Variants in DPYS observed in about 807,000 individuals in gnomAD.
The protein encoded by DPYS is dihydropyrimidinase, also known as dihydropyrimidine amidohydrolase.
In DPYS, 39 loss-of-function variants were observed where a neutral mutation model predicts 50.3. That is an observed-to-expected ratio of 0.78 (90% CI 0.60 to 1.01). The LOEUF is 1.01. Ranked by LOEUF, DPYS falls within the 50% of genes least tolerant of loss-of-function variation. The probability of loss-of-function intolerance (pLI) is 0.00; values close to 1 mark genes in which losing one functional copy is unlikely to be tolerated. For missense variants in DPYS, 659 were observed against 680.9 expected, an observed-to-expected ratio of 0.97 and a Z score of 0.36; for synonymous variants, 245 against 250.7, an observed-to-expected ratio of 0.98 and a Z score of 0.22.
At chr8:104,405,155 G>A (rs1302511865) in intron 7 of DPYS, among the ~76,000 whole-genome samples, 1 of 152,222 alleles carries the variant, frequency 6.6e-6, no homozygotes, top group African/African-American at 2.4e-5. Flanking sequence ...TGTCGGGTGT[G>A]GCCACTATCC....
chr8:104,422,480 C>T lies in DPYS; in HGVS notation c.1235+1767G>A, dbSNP rs142277974. 5.3e-5 allele frequency among the ~76,000 whole-genome samples: 8 copies of T among 152,268 alleles called. No individual in the cohort carries two copies. In the South Asian group the frequency reaches 1.0e-3, roughly 20 times the overall value. ...TCTCATAGCAAACCTGTCACTTACA[C>T]GGTTGTACAGCTACCGTTTTCTCAT... On this transcript the variant is annotated intron_variant, in intron 7 of 9. Transcript: ENST00000351513.
intron 1 of DPYS, among the ~76,000 whole-genome samples, chr8:104,453,964 C>T (rs1205816326): frequency 6.6e-6 from 1 of 152,170 alleles, no homozygotes; most frequent in Non-Finnish European, 1.5e-5. Context: ...TTGTGTGATT[C>T]TATTTATATG....
intron 7 of DPYS, among the ~76,000 whole-genome samples, chr8:104,409,315 T>C (rs1812097981): frequency 6.6e-6 from 1 of 151,546 alleles, no homozygotes; most frequent in African/African-American, 2.4e-5. Context: ...TGAAACCCCG[T>C]CTCTACTAAG....
chr8:104,407,848 G>A (rs1812045701), intron 7 of DPYS, among the ~76,000 whole-genome samples: 1 of 152,156 alleles, frequency 6.6e-6, no homozygotes, highest in Non-Finnish European at 1.5e-5. Context: ...AAGAAAGTTA[G>A]GTTCTAATAA....
At chr8:104,431,784 A>G (rs932461188) in intron 4 of DPYS, among the ~76,000 whole-genome samples, 3 of 152,332 alleles carry the variant, frequency 2.0e-5, no homozygotes, top group Non-Finnish European at 2.9e-5. Flanking sequence ...TTGATGTTCA[A>G]TGAGACTAAT....
intron 1 of DPYS, among the ~76,000 whole-genome samples, chr8:104,462,391 GTGCTTAATCACACTTACC>G (rs1239120157): frequency 6.6e-6 from 1 of 152,154 alleles, no homozygotes; most frequent in Non-Finnish European, 1.5e-5. Flanking sequence ...AATGTGTGGT[GTGCTTAATCACACTTACC>G]TGCTTAATCA....
At chr8:104,446,320 A>C (rs992407274) in intron 3 of DPYS, among the ~76,000 whole-genome samples, 3 of 152,224 alleles carry the variant, frequency 2.0e-5, no homozygotes, top group Non-Finnish European at 4.4e-5. Flanking sequence ...TTCTTTGAAA[A>C]GCAATATCTA....
intron 8 of DPYS, among the ~76,000 whole-genome samples, chr8:104,383,614 T>TA (rs1727609688): frequency 6.6e-6 from 1 of 151,522 alleles, no homozygotes; most frequent in Admixed American, 6.6e-5. Context: ...CTTTTTTTTT[T>TA]TTTTCGAGAC....
chr8:104,392,724 A>G, intron 8 of DPYS, 60 bp downstream of exon 8: 1 of 1,600,522 alleles, frequency 6.2e-7, no homozygotes, highest in Non-Finnish European at 8.6e-7. Context: ...ATAACCAGCC[A>G]GACATCCAGA....
At chr8:104,434,381 G>C (rs181447632) in intron 4 of DPYS, among the ~76,000 whole-genome samples, 135 of 152,258 alleles carry the variant, frequency 8.9e-4, no homozygotes, top group Middle Eastern at 3.4e-3. Context: ...TTCCAAAAGG[G>C]AGGAGGACAT....
intron 7 of DPYS, among the ~76,000 whole-genome samples, chr8:104,423,003 G>A (rs1812597227): frequency 6.6e-6 from 1 of 152,160 alleles, no homozygotes; most frequent in Admixed American, 6.5e-5. Context: ...GCCTACATTT[G>A]GTTTTACTTG....
chr8:104,456,356 T>C (rs578131713), intron 1 of DPYS, among the ~76,000 whole-genome samples: 1 of 152,296 alleles, frequency 6.6e-6, no homozygotes, highest in South Asian at 2.1e-4. Context: ...GAAGATATGA[T>C]AGTCAAAGGG....
chr8:104,382,294 C>T (rs1021817943), intron 8 of DPYS, among the ~76,000 whole-genome samples: 2 of 152,106 alleles, frequency 1.3e-5, no homozygotes, highest in African/African-American at 4.8e-5. Context: ...GGACTCCTGC[C>T]CTTCCCTCAC....
At position 104,408,961 on chromosome 8, in the gene DPYS, C is replaced by T. The variant is rs929580732; in HGVS notation, c.1235+15286G>A. 4.6e-5 allele frequency among the ~76,000 whole-genome samples: 7 copies of T among 151,566 alleles called. No individual in the cohort carries two copies. The East Asian group carries it at 5.9e-4, about 13-fold the overall frequency. Reference sequence around the variant, plus strand: ...CCCAGGTAGCTCGGATTACAGGCGCCGGCCACCACTCTCAGCTAATTTTTG... The same window carrying T: ...CCCAGGTAGCTCGGATTACAGGCGCTGGCCACCACTCTCAGCTAATTTTTG... On this transcript the variant is annotated intron_variant, in intron 7 of 9. Transcript: ENST00000351513.
At chr8:104,456,975 C>T (rs1813946912) in intron 1 of DPYS, among the ~76,000 whole-genome samples, 2 of 152,102 alleles carry the variant, frequency 1.3e-5, no homozygotes, top group Admixed American at 6.6e-5. Context: ...ATCCCTTATC[C>T]AAGAGGGATA....
At chr8:104,447,224 C>A (rs1304741047) in intron 3 of DPYS, 100 bp downstream of exon 3, 5 of 1,419,240 alleles carry the variant, frequency 3.5e-6, no homozygotes, top group Non-Finnish European at 4.9e-6. Flanking sequence ...TTCTCATCTT[C>A]CAATGCATTA....
intron 4 of DPYS, among the ~76,000 whole-genome samples, chr8:104,433,089 T>C (rs910105075): frequency 1.3e-5 from 2 of 152,132 alleles, no homozygotes; most frequent in African/African-American, 4.8e-5. Context: ...AAGATGGCCA[T>C]CTATAAGCCA....
chr8:104,430,591 T>C (rs973326234), intron 4 of DPYS, among the ~76,000 whole-genome samples: 9 of 152,304 alleles, frequency 5.9e-5, no homozygotes, highest in Middle Eastern at 3.4e-3. Context: ...AATCCTGATA[T>C]ATAACTGAAA....
intron 1 of DPYS, among the ~76,000 whole-genome samples, chr8:104,458,249 GA>G (rs893433776): frequency 5.9e-5 from 9 of 152,108 alleles, no homozygotes; most frequent in Non-Finnish European, 1.2e-4. Flanking sequence ...TTAAGATGGA[GA>G]AAAAACAATT....
Sources: gnomAD v4.1 joint callset for allele counts (sites outside exome capture counted in the v4.1 genomes callset) on GRCh38, gnomAD v4.1.1 for gene constraint, MANE v1.5 for transcripts, NCBI Gene and HGNC (gene_info 2026-07-23, HGNC 2026-07-21) for gene names.